ADK: variants seen among roughly 807,000 people sequenced by gnomAD.
ADK encodes adenosine kinase.
ADK carries 24 observed loss-of-function variants against 44.7 expected under a neutral mutation model. That is an observed-to-expected ratio of 0.54 (90% CI 0.39 to 0.76). ADK has a LOEUF of 0.76. Ranked by LOEUF, ADK falls within the 30% of genes least tolerant of loss-of-function variation. ADK has a pLI of 0.00. For missense variants in ADK, 321 were observed against 425.1 expected (o/e 0.76, Z 2.15); for synonymous variants, 128 against 142.6 (o/e 0.90, Z 0.73).
chr10:74,617,223 G>T (rs759609907), intron 9 of ADK, among the ~76,000 whole-genome samples: 10 of 152,094 alleles, frequency 6.6e-5, no homozygotes, highest in Non-Finnish European at 1.0e-4. Context: ...AATTGAAATG[G>T]TTATAGTGAG....
At chr10:74,277,173 C>T (rs1239929130) in intron 3 of ADK, among the ~76,000 whole-genome samples, 2 of 152,162 alleles carry the variant, frequency 1.3e-5, no homozygotes, top group East Asian at 3.9e-4. Context: ...CCTCCTCAGC[C>T]TCCCAAAATG....
At chr10:74,265,239 C>T (rs537723777) in intron 3 of ADK, among the ~76,000 whole-genome samples, 102 of 147,954 alleles carry the variant, frequency 6.9e-4, no homozygotes, top group African/African-American at 2.4e-3. Context: ...TTTTTTGAGA[C>T]GGAGTCTTGC....
intron 10 of ADK, among the ~76,000 whole-genome samples, chr10:74,686,700 T>TG (rs1855801845): frequency 6.6e-6 from 1 of 152,114 alleles, no homozygotes; most frequent in East Asian, 1.9e-4. Flanking sequence ...CTTTTTTAGA[T>TG]GGAGTCTTGC....
chr10:74,546,226 TATAAAC>T lies in ADK; in HGVS notation c.726+20801_726+20806del, dbSNP rs1246568484. 8.5e-5 allele frequency among the ~76,000 whole-genome samples: 13 copies of T among 152,280 alleles called. No homozygotes were observed. In the East Asian group the frequency reaches 9.6e-4, roughly 11 times the overall value. ...ATGGCTGCAAAATGGGTGAAAGTAA[TATAAAC>T]TTAACAAAGAATGTTGTCACAACTC... is the stretch of plus-strand genomic sequence containing the variant. On this transcript the variant is annotated intron_variant, in intron 7 of 10. Coordinates refer to ENST00000539909, the MANE Select transcript of ADK (RefSeq NM_006721.4).
At chr10:74,431,403 C>T (rs561591208) in intron 6 of ADK, among the ~76,000 whole-genome samples, 2 of 152,258 alleles carry the variant, frequency 1.3e-5, no homozygotes, top group East Asian at 1.9e-4. Context: ...AATGTAATGG[C>T]GACTGCAGAA....
intron 3 of ADK, among the ~76,000 whole-genome samples, chr10:74,254,206 A>C (rs116920765): frequency 2.0e-5 from 3 of 152,328 alleles, no homozygotes; most frequent in Non-Finnish European, 2.9e-5. Context: ...TAAGAGCATT[A>C]TAGAGATAGA....
At chr10:74,372,852 AT>A (rs750958754) in intron 4 of ADK, among the ~76,000 whole-genome samples, 1 of 152,206 alleles carries the variant, frequency 6.6e-6, no homozygotes, top group Non-Finnish European at 1.5e-5. Context: ...TGCTCTTAAA[AT>A]TAATATGGAA....
chr10:74,201,806 G>A (rs953011265), intron 2 of ADK, among the ~76,000 whole-genome samples: 3 of 151,898 alleles, frequency 2.0e-5, no homozygotes, highest in East Asian at 1.9e-4. Flanking sequence ...GATAACGGGG[G>A]CACTACTATA....
intron 6 of ADK, among the ~76,000 whole-genome samples, chr10:74,488,451 G>A (rs1186968028): frequency 4.6e-5 from 7 of 150,730 alleles, no homozygotes; most frequent in Non-Finnish European, 1.0e-4. Context: ...TAGCATAGGA[G>A]TGTTCATTTG....
chr10:74,411,643 G>T (rs2132953526), intron 6 of ADK, among the ~76,000 whole-genome samples: 1 of 152,326 alleles, frequency 6.6e-6, no homozygotes, highest in East Asian at 1.9e-4. Flanking sequence ...GATGGCTGCT[G>T]ACTGCTCAGA....
At chr10:74,609,649 C>T (rs749517554) in intron 9 of ADK, among the ~76,000 whole-genome samples, 5 of 152,136 alleles carry the variant, frequency 3.3e-5, no homozygotes, top group Non-Finnish European at 7.4e-5. Flanking sequence ...GCGTTGATCT[C>T]GCTGGGAGGT....
intron 3 of ADK, among the ~76,000 whole-genome samples, chr10:74,279,891 G>A (rs188277961): frequency 4.1e-4 from 62 of 152,098 alleles, no homozygotes; most frequent in Admixed American, 2.2e-3. Flanking sequence ...AAACTGGTGT[G>A]GTATTATGTA....
intron 6 of ADK, among the ~76,000 whole-genome samples, chr10:74,424,464 G>A (rs1844709616): frequency 7.0e-6 from 1 of 142,138 alleles, no homozygotes; most frequent in Admixed American, 7.8e-5. Flanking sequence ...AACCTGGGAG[G>A]TGGAGGTTGC....
chr10:74,318,821 A>G (rs1328171830), intron 4 of ADK, among the ~76,000 whole-genome samples: 22 of 152,242 alleles, frequency 1.4e-4, no homozygotes, highest in Non-Finnish European at 1.5e-5. Flanking sequence ...TTATAGAACT[A>G]TAAACTAATT....
intron 3 of ADK, among the ~76,000 whole-genome samples, chr10:74,276,959 A>C (rs1471466451): frequency 6.6e-6 from 1 of 150,760 alleles, no homozygotes; most frequent in Non-Finnish European, 1.5e-5. Context: ...AGTCTGTTGC[A>C]CAGACTGCAG....
At chr10:74,406,987 T>C (rs1783375359) in intron 6 of ADK, among the ~76,000 whole-genome samples, 1 of 150,714 alleles carries the variant, frequency 6.6e-6, no homozygotes, top group African/African-American at 2.4e-5. Flanking sequence ...CCTCTTTCTT[T>C]TTTTTTTTTT....
At chr10:74,447,863 G>T (rs1354341732) in intron 6 of ADK, among the ~76,000 whole-genome samples, 2 of 152,066 alleles carry the variant, frequency 1.3e-5, no homozygotes, top group Non-Finnish European at 2.9e-5. Flanking sequence ...AAGTACAAAA[G>T]AAAAAGTTGG....
chr10:74,538,140 A>G (rs1179669853), intron 7 of ADK, among the ~76,000 whole-genome samples: 1 of 152,096 alleles, frequency 6.6e-6, no homozygotes, highest in Non-Finnish European at 1.5e-5. Flanking sequence ...CTATAGTCCC[A>G]GCTGCTCAGG....
intron 6 of ADK, among the ~76,000 whole-genome samples, chr10:74,501,982 T>A (rs1007492387): frequency 6.6e-6 from 1 of 152,118 alleles, no homozygotes; most frequent in Non-Finnish European, 1.5e-5. Flanking sequence ...TTTACCTCAA[T>A]TTTTTAAAGA....
Sources: gnomAD v4.1 joint callset for allele counts (sites outside exome capture counted in the v4.1 genomes callset) on GRCh38, gnomAD v4.1.1 for gene constraint, MANE v1.5 for transcripts, NCBI Gene and HGNC (gene_info 2026-07-23, HGNC 2026-07-21) for gene names.